Variants in DMD observed in about 807,000 individuals in gnomAD.
DMD encodes mutant dystrophin.
Under a neutral mutation model 330.1 loss-of-function variants are expected in DMD, and 63 were observed. The observed-to-expected ratio is 0.19, with a 90% confidence interval of 0.16 to 0.24. The LOEUF (loss-of-function observed/expected upper bound fraction) is 0.24, where lower values mean the gene tolerates loss of function less well. DMD is among the 10% of genes least tolerant of loss of function. DMD has a pLI of 1.00. For synonymous variants in DMD, 1,223 were observed against 959.8 expected (o/e 1.27, Z -5.07); for missense variants, 3,344 against 2,684.1 (o/e 1.25, Z -5.43).
chrX:33,132,304 A>G (rs16990926), intron 1 of DMD, among the ~76,000 whole-genome samples: 6,519 of 111,509 alleles, frequency 0.058, 482 homozygotes, highest in African/African-American at 0.2. Context: ...TATTATCTAG[A>G]ATTGTCCAAC....
At chrX:31,710,774 T>G (rs756092628) in intron 52 of DMD, among the ~76,000 whole-genome samples, 4 of 111,861 alleles carry the variant, frequency 3.6e-5, no homozygotes, top group African/African-American at 6.5e-5. Context: ...CTACTAAAAT[T>G]TAGTTGTTGG....
intron 62 of DMD, among the ~76,000 whole-genome samples, chrX:31,315,954 T>C (rs759692993): frequency 8.9e-6 from 1 of 112,157 alleles, no homozygotes. Context: ...ATGAATGATA[T>C]TTAGGAAAAA....
rs190243916 is a variant in DMD, at chrX:32,667,722, C to T, written c.961-22570G>A. The stretch of plus-strand genomic sequence containing the variant: ...ACATTTTGTCTATTTGACACTGGGT[C>T]GGCTACACCTTCGCTTAAAAGTTCT... On this transcript the variant is annotated intron_variant, in intron 9 of 78. Transcript: ENST00000357033. Among the ~76,000 whole-genome samples the T allele has an allele frequency of 4.1e-3, 440 of 108,144 alleles. 3 individuals carry two copies. The highest frequency in any genetic ancestry group is 7.2e-3 in the Non-Finnish European group (376 of 52,466). 93.9% of individuals were successfully genotyped at this position (108,144 alleles called of 115,157 possible).
rs866479045 is a variant in DMD, at chrX:31,422,030, T to C, written c.9084+22451A>G. Among the ~76,000 whole-genome samples the C allele has an allele frequency of 3.5e-3, 22 of 6,311 alleles. 1 individual carries two copies. In the East Asian group the frequency reaches 0.041, roughly 12 times the overall value. 5.5% of individuals were successfully genotyped at this position (6,311 alleles called of 115,157 possible). A position where few individuals can be genotyped will look rare whatever the true frequency, so the allele number is the denominator to read the frequency against. On this transcript the variant is annotated intron_variant, in intron 60 of 78. Transcript: ENST00000357033. ...ATATATATATATAAACACACACACA[T>C]ATATATATATATATTTTTTTTTTTC...
At chrX:32,644,846 C>T (rs72470506) in intron 10 of DMD, 118 bp downstream of exon 10, 20 of 886,860 alleles carry the variant, frequency 2.3e-5, no homozygotes, top group Non-Finnish European at 3.2e-5. Flanking sequence ...ATCCCAAGCA[C>T]ATCATAGTAA....
chrX:32,573,415 A>G, intron 15 of DMD, 115 bp downstream of exon 15: 3 of 616,292 alleles, frequency 4.9e-6, no homozygotes, highest in South Asian at 5.2e-5. Context: ...TGAATAATCT[A>G]TGATCCAAGC....
chrX:32,588,253 C>T (rs976113469), intron 13 of DMD, among the ~76,000 whole-genome samples: 1 of 111,833 alleles, frequency 8.9e-6, no homozygotes. Context: ...AGTATATGAT[C>T]GGTGCCCAAA....
chrX:31,703,182 C>T (rs2083936165), intron 52 of DMD, among the ~76,000 whole-genome samples: 1 of 111,525 alleles, frequency 9.0e-6, no homozygotes, highest in African/African-American at 3.3e-5. Context: ...TGCCTCCCAC[C>T]CCACACTGCT....
At chrX:31,396,034 G>A (rs1383755348) in intron 60 of DMD, among the ~76,000 whole-genome samples, 1 of 111,885 alleles carries the variant, frequency 8.9e-6, no homozygotes, top group Non-Finnish European at 1.9e-5. Context: ...AGATGGCAGT[G>A]AACCTTGTAG....
chrX:31,513,058 G>T (rs1468868350), intron 55 of DMD, among the ~76,000 whole-genome samples: 1 of 101,185 alleles, frequency 9.9e-6, no homozygotes, highest in Non-Finnish European at 2.0e-5. Flanking sequence ...CACATCCCTT[G>T]TAAGTTGCAT....
chrX:33,250,100 TA>T (rs2052746687), intron 1 of DMD, among the ~76,000 whole-genome samples: 1 of 97,949 alleles, frequency 1.0e-5, no homozygotes, highest in Admixed American at 1.1e-4. Context: ...TATATATATA[TA>T]TATATATATA....
intron 44 of DMD, among the ~76,000 whole-genome samples, chrX:32,064,691 A>C (rs758253086): frequency 5.4e-5 from 6 of 110,718 alleles, no homozygotes; most frequent in Non-Finnish European, 9.5e-5. Context: ...ATGCATGCCC[A>C]TGTGTGTGGG....
intron 7 of DMD, among the ~76,000 whole-genome samples, chrX:32,716,336 G>C (rs2065721841): frequency 9.1e-6 from 1 of 110,328 alleles, no homozygotes; most frequent in African/African-American, 3.3e-5. Context: ...GTTTAAAAGT[G>C]TGTAGTACTG....
chrX:33,085,268 A>ATATAT (rs1470977606), intron 1 of DMD, among the ~76,000 whole-genome samples: 2 of 111,842 alleles, frequency 1.8e-5, no homozygotes, highest in African/African-American at 3.2e-5. Context: ...TGACTTACTT[A>ATATAT]TATATTAAAT....
At chrX:32,676,636 A>C (rs189974854) in intron 9 of DMD, among the ~76,000 whole-genome samples, 67 of 111,247 alleles carry the variant, frequency 6.0e-4, no homozygotes, top group African/African-American at 2.1e-3. Flanking sequence ...GGTTTTATAA[A>C]CTGTGATGAT....
intron 1 of DMD, among the ~76,000 whole-genome samples, chrX:33,081,792 A>G (rs960672758): frequency 1.8e-5 from 2 of 111,635 alleles, no homozygotes; most frequent in African/African-American, 6.5e-5. Flanking sequence ...CCCTTAAAGT[A>G]TATTTCCTAT....
At chrX:32,577,934 A>G (rs2053241605) in intron 13 of DMD, among the ~76,000 whole-genome samples, 1 of 112,504 alleles carries the variant, frequency 8.9e-6, no homozygotes, top group African/African-American at 3.2e-5. Context: ...ATAAATAGAT[A>G]ATACACGAAG....
rs903654419 is a variant in DMD, at chrX:31,941,338, C to G, written c.6615-9111G>C. ...AAACACCATCATCTTCCTGCCTAAA[C>G]GTGCTCCTCTGTCAAGTTCAATGGA... On this transcript the variant is annotated intron_variant, in intron 45 of 78. Coordinates refer to ENST00000357033, the MANE Select transcript of DMD (RefSeq NM_004006.3). 4.7e-4 allele frequency among the ~76,000 whole-genome samples: 52 copies of G among 111,737 alleles called. 1 individual carries two copies. Among genetic ancestry groups the G allele is most frequent in the Non-Finnish European group, 3.8e-5 (2 of 53,120 alleles).
chrX:32,784,570 T>G (rs940012977), intron 7 of DMD, among the ~76,000 whole-genome samples: 5 of 111,885 alleles, frequency 4.5e-5, no homozygotes, highest in African/African-American at 1.6e-4. Context: ...CTTTATCACT[T>G]AAGAAATCAA....
Sources: allele counts gnomAD v4.1 joint callset (sites outside exome capture counted in the v4.1 genomes callset), GRCh38; gene constraint gnomAD v4.1.1; transcripts MANE v1.5; gene names NCBI Gene and HGNC (gene_info 2026-07-23, HGNC 2026-07-21).